TRDN: variants seen among roughly 807,000 people sequenced by gnomAD.
The protein encoded by TRDN is triadin in skeletal muscle.
Under a neutral mutation model 149.7 loss-of-function variants are expected in TRDN, and 161 were observed. The ratio of observed to expected loss-of-function variants is 1.08; its 90% CI spans 0.95 to 1.23. The LOEUF (loss-of-function observed/expected upper bound fraction) is 1.23. Ranked by LOEUF, TRDN falls within the 50% of genes most tolerant of loss-of-function variation. The probability of loss-of-function intolerance (pLI) is 0.00; values close to 1 mark genes in which losing one functional copy is unlikely to be tolerated. For synonymous variants in TRDN, 294 were observed against 250.5 expected (o/e 1.17, Z -1.64); for missense variants, 896 against 823.5 (o/e 1.09, Z -1.08).
At position 123,255,862 on chromosome 6, in the gene TRDN, A is replaced by G; in HGVS notation, c.1906+5T>C. On this transcript the variant is annotated splice_donor_5th_base_variant and intron_variant, in intron 36 of 40. Coordinates refer to ENST00000334268, the MANE Select transcript of TRDN (RefSeq NM_006073.4). ...ATTCTATTTTTTATTCTTTTAAAAA[A>G]TTACCTTTTTCTTCTCTAAGATGCT... The G allele has an allele frequency of 7.4e-7, 1 of 1,345,098 alleles. No homozygotes were observed. The highest frequency in any genetic ancestry group is 9.7e-7 in the Non-Finnish European group (1 of 1,030,426). 83.3% of individuals were successfully genotyped at this position (1,345,098 alleles called of 1,614,324 possible). A position where few individuals can be genotyped will look rare whatever the true frequency, so the allele number is the denominator to read the frequency against.
At chr6:123,401,964 A>C (rs1217999014) in intron 12 of TRDN, among the ~76,000 whole-genome samples, 3 of 152,008 alleles carry the variant, frequency 2.0e-5, no homozygotes, top group Non-Finnish European at 2.9e-5. Context: ...AAAAAAAAAA[A>C]AAAACTAAAG....
At chr6:123,275,923 C>T (rs573338121) in intron 26 of TRDN, among the ~76,000 whole-genome samples, 5 of 152,108 alleles carry the variant, frequency 3.3e-5, no homozygotes, top group East Asian at 1.9e-4. Flanking sequence ...TTCTAGAGAC[C>T]GTGAAGTTTG....
At chr6:123,462,769 G>A (rs1423090628) in intron 10 of TRDN, 2 of 151,816 alleles carry the variant, frequency 1.3e-5, no homozygotes, top group African/African-American at 4.8e-5. Flanking sequence ...CAAGAGGACT[G>A]GCATAATCAG....
chr6:123,430,708 C>T (rs541751131), intron 12 of TRDN, among the ~76,000 whole-genome samples: 1 of 152,082 alleles, frequency 6.6e-6, no homozygotes, highest in African/African-American at 2.4e-5. Context: ...TAAAAATAGT[C>T]GCATGTATAC....
At chr6:123,619,933 C>T (rs900961232) in intron 1 of TRDN, among the ~76,000 whole-genome samples, 4 of 152,082 alleles carry the variant, frequency 2.6e-5, no homozygotes, top group African/African-American at 4.8e-5. Flanking sequence ...TCAGTGTGCA[C>T]ATGTTGGGCT....
chr6:123,404,762 C>T (rs146725159), intron 12 of TRDN, among the ~76,000 whole-genome samples: 4 of 152,268 alleles, frequency 2.6e-5, no homozygotes, highest in Non-Finnish European at 4.4e-5. Flanking sequence ...TTCTTTAGTT[C>T]ACGTTTGTGT....
At chr6:123,309,246 G>A (rs188488187) in intron 24 of TRDN, among the ~76,000 whole-genome samples, 14 of 151,882 alleles carry the variant, frequency 9.2e-5, no homozygotes, top group South Asian at 8.3e-4. Flanking sequence ...TCTTATGGCT[G>A]TATCCTACTA....
intron 12 of TRDN, among the ~76,000 whole-genome samples, chr6:123,407,479 A>T (rs1172728308): frequency 6.6e-6 from 1 of 152,062 alleles, no homozygotes; most frequent in Non-Finnish European, 1.5e-5. Flanking sequence ...ATAGTGCTTC[A>T]CCAGGACTTT....
At chr6:123,356,031 T>C (rs188167601) in intron 20 of TRDN, among the ~76,000 whole-genome samples, 13 of 151,888 alleles carry the variant, frequency 8.6e-5, no homozygotes, top group African/African-American at 2.9e-4. Context: ...ATAGATTGTT[T>C]TGAATTTTTT....
intron 2 of TRDN, among the ~76,000 whole-genome samples, chr6:123,555,821 G>C (rs954296775): frequency 5.3e-5 from 8 of 151,960 alleles, no homozygotes; most frequent in African/African-American, 1.9e-4. Context: ...GAGGAACAAA[G>C]GTAAAAATAA....
intron 5 of TRDN, among the ~76,000 whole-genome samples, chr6:123,525,937 G>A (rs1050605102): frequency 4.6e-5 from 7 of 151,924 alleles, no homozygotes; most frequent in African/African-American, 9.7e-5. Context: ...TGGAATCTGC[G>A]AATGTTACAT....
intron 20 of TRDN, among the ~76,000 whole-genome samples, chr6:123,355,582 T>C (rs1397459702): frequency 2.0e-5 from 3 of 151,750 alleles, no homozygotes; most frequent in African/African-American, 7.2e-5. Flanking sequence ...CAGGATTGTC[T>C]TGGCTATTCT....
At chr6:123,624,937 A>G (rs1164601043) in intron 1 of TRDN, among the ~76,000 whole-genome samples, 1 of 152,152 alleles carries the variant, frequency 6.6e-6, no homozygotes, top group Non-Finnish European at 1.5e-5. Context: ...TTATAGCAAC[A>G]GTGTGCCTGA....
intron 38 of TRDN, among the ~76,000 whole-genome samples, chr6:123,231,498 G>T (rs1775599674): frequency 6.6e-6 from 1 of 151,910 alleles, no homozygotes; most frequent in Non-Finnish European, 1.5e-5. Context: ...AATATAGAAT[G>T]TTCAATTGGG....
At chr6:123,544,988 G>A (rs1013654924) in intron 4 of TRDN, among the ~76,000 whole-genome samples, 1 of 151,720 alleles carries the variant, frequency 6.6e-6, no homozygotes, top group Admixed American at 6.6e-5. Flanking sequence ...ATAACAAACT[G>A]GCTGAATTTT....
chr6:123,317,758 A>C, intron 23 of TRDN, among the ~76,000 whole-genome samples: 1 of 151,970 alleles, frequency 6.6e-6, no homozygotes. Context: ...AAATATCAGC[A>C]CTGGGTGAAA....
At chr6:123,431,150 C>T (rs866074676) in intron 12 of TRDN, among the ~76,000 whole-genome samples, 8 of 152,194 alleles carry the variant, frequency 5.3e-5, no homozygotes, top group Non-Finnish European at 1.0e-4. Context: ...AGTCAAGACG[C>T]TGTCATCTGA....
intron 8 of TRDN, among the ~76,000 whole-genome samples, chr6:123,499,719 AAT>A (rs71272328): frequency 0.015 from 717 of 47,596 alleles, 61 homozygotes; most frequent in African/African-American, 0.047. Flanking sequence ...AAAAAAAAAA[AAT>A]ATATATATAT....
intron 10 of TRDN, among the ~76,000 whole-genome samples, chr6:123,455,406 C>CTGTGTGTGTGTGTG (rs71751722): frequency 3.4e-5 from 5 of 145,640 alleles, no homozygotes; most frequent in East Asian, 2.0e-4. Flanking sequence ...AAGGCAACCA[C>CTGTGTGTGTGTGTG]TGTGTGTGTG....
Sources: allele counts gnomAD v4.1 joint callset (sites outside exome capture counted in the v4.1 genomes callset), GRCh38; gene constraint gnomAD v4.1.1; transcripts MANE v1.5; gene names NCBI Gene and HGNC (gene_info 2026-07-23, HGNC 2026-07-21).